ESR1: variants seen among roughly 807,000 people sequenced by gnomAD.
ESR1 encodes estrogen receptor.
A neutral mutation model predicts 52.7 loss-of-function variants in ESR1; 12 were observed. The observed-to-expected ratio is 0.23, with a 90% CI of 0.15 to 0.37. The LOEUF (loss-of-function observed/expected upper bound fraction) is 0.37. ESR1 is among the 10% of genes least tolerant of loss of function. The pLI is 1.00. For missense variants in ESR1, 584 were observed against 779.7 expected, an observed-to-expected ratio of 0.75 and a Z score of 2.99; for synonymous variants, 305 against 316.8, an observed-to-expected ratio of 0.96 and a Z score of 0.39.
chr6:151,974,132 G>A (rs1377002652), intron 4 of ESR1, among the ~76,000 whole-genome samples: 1 of 152,100 alleles, frequency 6.6e-6, no homozygotes, highest in Admixed American at 6.6e-5. Flanking sequence ...AACAAAATGT[G>A]CTATGCCTGT....
intron 4 of ESR1, among the ~76,000 whole-genome samples, chr6:151,972,465 G>A (rs540224192): frequency 2.0e-5 from 3 of 152,236 alleles, no homozygotes; most frequent in East Asian, 1.9e-4. Context: ...TGATCAGGTG[G>A]GTTTCATACC....
intron 2 of ESR1, among the ~76,000 whole-genome samples, chr6:151,793,763 C>A: frequency 6.6e-6 from 1 of 152,140 alleles, no homozygotes; most frequent in East Asian, 1.9e-4. Flanking sequence ...TGTGCCCAGG[C>A]AGTGTGCTAG....
At chr6:151,760,442 C>T (rs772508018) in intron 2 of ESR1, among the ~76,000 whole-genome samples, 1 of 152,208 alleles carries the variant, frequency 6.6e-6, no homozygotes, top group African/African-American at 2.4e-5. Context: ...ATTCAGACTT[C>T]AGCATAATGT....
intron 1 of ESR1, among the ~76,000 whole-genome samples, chr6:151,827,344 CAA>C (rs11407983): frequency 2.5e-4 from 19 of 75,810 alleles, no homozygotes; most frequent in Non-Finnish European, 3.0e-4. Context: ...GACCCTGTCT[CAA>C]AAAAAAAAAA....
chr6:151,772,697 G>A (rs1215988136), intron 2 of ESR1, among the ~76,000 whole-genome samples: 4 of 152,122 alleles, frequency 2.6e-5, no homozygotes, highest in East Asian at 1.9e-4. Flanking sequence ...GGAAAATCCC[G>A]GTTAGCAAAT....
At chr6:151,978,015 C>T (rs573020009) in intron 4 of ESR1, among the ~76,000 whole-genome samples, 22 of 142,272 alleles carry the variant, frequency 1.5e-4, no homozygotes, top group African/African-American at 5.2e-4. Context: ...CAGACTCATA[C>T]CTACAAAACT....
At position 152,061,711 on chromosome 6, in the gene ESR1, A is replaced by G. The variant is rs530425786; in HGVS notation, c.1369+587A>G. ...CCCTTCGTATTTATTTGTTTGAGAAAGCTTAGCTAAGAGCAACATCTGTTT... is the reference window on the plus strand; with the variant it reads ...CCCTTCGTATTTATTTGTTTGAGAAGGCTTAGCTAAGAGCAACATCTGTTT... On this transcript the variant is annotated intron_variant, in intron 6 of 7. Transcript: ENST00000206249. This position sits in a 1 kb window ranked among gnomAD's most constrained non-coding sequence, Gnocchi z 4.3. Among the ~76,000 whole-genome samples the G allele has an allele frequency of 7.7e-4, 118 of 152,366 alleles. 1 individual carries two copies. The highest frequency in any genetic ancestry group is 2.7e-3 in the African/African-American group (114 of 41,596).
intron 2 of ESR1, among the ~76,000 whole-genome samples, chr6:151,742,233 C>T (rs1214366012): frequency 6.6e-6 from 1 of 152,116 alleles, no homozygotes; most frequent in Non-Finnish European, 1.5e-5. Flanking sequence ...GTGCAGATAT[C>T]TTTACGAGGT....
At chr6:151,665,161 G>A (rs1474318503) in intron 1 of ESR1, among the ~76,000 whole-genome samples, 1 of 152,086 alleles carries the variant, frequency 6.6e-6, no homozygotes, top group African/African-American at 2.4e-5. Context: ...AATATTCTTT[G>A]CAAACGGCTG....
chr6:151,963,955 CT>C (rs2037961671), intron 4 of ESR1, among the ~76,000 whole-genome samples: 1 of 152,224 alleles, frequency 6.6e-6, no homozygotes, highest in East Asian at 1.9e-4. Flanking sequence ...ATTCTTGGCA[CT>C]TTTGTTGTAA....
intron 5 of ESR1, among the ~76,000 whole-genome samples, chr6:152,022,911 A>C (rs2043803943): frequency 6.6e-6 from 1 of 151,596 alleles, no homozygotes; most frequent in African/African-American, 2.4e-5. Context: ...TGGGAGGCAG[A>C]GGTTGCAGTG....
intron 2 of ESR1, among the ~76,000 whole-genome samples, chr6:151,783,698 A>G (rs1387175373): frequency 6.6e-6 from 1 of 152,220 alleles, no homozygotes; most frequent in Non-Finnish European, 1.5e-5. Flanking sequence ...TTAGTATGGT[A>G]TATTACAATT....
intron 1 of ESR1, among the ~76,000 whole-genome samples, chr6:151,833,903 T>C (rs1377793029): frequency 6.6e-6 from 1 of 151,980 alleles, no homozygotes; most frequent in African/African-American, 2.4e-5. Flanking sequence ...GTGAGTGCCA[T>C]AGAGAAAACA....
chr6:151,972,141 C>G (rs568467534), intron 4 of ESR1, among the ~76,000 whole-genome samples: 1 of 151,980 alleles, frequency 6.6e-6, no homozygotes, highest in South Asian at 2.1e-4. Context: ...TAGCAAGCAG[C>G]GAGATTGAAA....
At chr6:151,862,336 C>G (rs1438346735) in intron 2 of ESR1, among the ~76,000 whole-genome samples, 2 of 152,176 alleles carry the variant, frequency 1.3e-5, no homozygotes, top group Non-Finnish European at 2.9e-5. Flanking sequence ...AGGAGTGTCA[C>G]CTGATAATAG....
At chr6:151,781,718 C>T (rs1305203763) in intron 2 of ESR1, among the ~76,000 whole-genome samples, 4 of 151,820 alleles carry the variant, frequency 2.6e-5, no homozygotes, top group Non-Finnish European at 5.9e-5. Context: ...GTCAGAATGA[C>T]TCTAACATTT....
chr6:151,921,836 A>T (rs1201393081), intron 3 of ESR1, among the ~76,000 whole-genome samples: 1 of 152,198 alleles, frequency 6.6e-6, no homozygotes, highest in African/African-American at 2.4e-5. Context: ...TCTGGATATT[A>T]AACCTTTGTC....
intron 5 of ESR1, among the ~76,000 whole-genome samples, chr6:152,016,650 T>C (rs114260319): frequency 0.012 from 1,857 of 152,294 alleles, 41 homozygotes; most frequent in African/African-American, 0.043. Flanking sequence ...TTTAATAAAA[T>C]AGAGCTCTCT....
intron 5 of ESR1, among the ~76,000 whole-genome samples, chr6:152,023,764 C>T (rs1238388712): frequency 6.6e-6 from 1 of 152,102 alleles, no homozygotes; most frequent in African/African-American, 2.4e-5. Context: ...TGTTTTGTAG[C>T]TGTCTGGATA....
Sources: allele counts gnomAD v4.1 joint callset (sites outside exome capture counted in the v4.1 genomes callset), GRCh38; gene constraint gnomAD v4.1.1; non-coding constraint Gnocchi (gnomAD v3.1); transcripts MANE v1.5; gene names NCBI Gene and HGNC (gene_info 2026-07-23, HGNC 2026-07-21).